Variants in ASNS observed in about 807,000 individuals in gnomAD.
ASNS encodes the protein asparagine synthetase (glutamine-hydrolyzing).
ASNS carries 37 observed loss-of-function variants against 62.6 expected under a neutral mutation model. That is an observed-to-expected ratio of 0.59 (90% CI 0.45 to 0.78). The LOEUF is 0.78. Ranked by LOEUF, ASNS falls within the 30% of genes least tolerant of loss-of-function variation. The probability of loss-of-function intolerance (pLI) is 0.00; values close to 1 mark genes in which losing one functional copy is unlikely to be tolerated. For synonymous variants in ASNS, 207 were observed against 237.9 expected (o/e 0.87, Z 1.19); for missense variants, 520 against 682.4 (o/e 0.76, Z 2.65).
At chr7:97,899,276 C>A in the ASNS span, among the ~76,000 whole-genome samples, 1 of 152,060 alleles carries the variant, frequency 6.6e-6, no homozygotes, top group Non-Finnish European at 1.5e-5. Flanking sequence ...GCCACTGCAC[C>A]CAGCTGTTAT....
intron 3 of ASNS, among the ~76,000 whole-genome samples, chr7:97,865,546 T>C (rs1791922806): frequency 1.3e-5 from 2 of 152,232 alleles, no homozygotes; most frequent in Non-Finnish European, 2.9e-5. Flanking sequence ...TGAATGCAGG[T>C]AGCTCTAGTC....
chr7:97,914,516 C>T, the ASNS span, among the ~76,000 whole-genome samples: 1 of 137,310 alleles, frequency 7.3e-6, no homozygotes, highest in Admixed American at 8.3e-5. Context: ...TGTCATGTTG[C>T]TGCCATGCTA....
the ASNS span, among the ~76,000 whole-genome samples, chr7:97,886,393 C>T: frequency 3.3e-5 from 5 of 152,074 alleles, no homozygotes; most frequent in Admixed American, 6.6e-5. Context: ...GTGACCCGCT[C>T]GCCTCAGCCT....
intron 7 of ASNS, among the ~76,000 whole-genome samples, chr7:97,857,504 C>T (rs1791501867): frequency 6.6e-6 from 1 of 151,912 alleles, no homozygotes; most frequent in Non-Finnish European, 1.5e-5. Context: ...TTAAAATTTC[C>T]CCATAGCAGA....
At chr7:97,868,519 A>ATGTGTGTGTGTGTGTGTGTGTGTGTGTG (rs61611439) in intron 3 of ASNS, among the ~76,000 whole-genome samples, 19 of 122,920 alleles carry the variant, frequency 1.5e-4, no homozygotes, top group Admixed American at 1.2e-3. Context: ...CAGCAAAAAC[A>ATGTGTGTGTGTGTGTGTGTGTGTGTGTG]TGTGTGTGTG....
chr7:97,860,840 C>CA (rs1405412135), intron 4 of ASNS, among the ~76,000 whole-genome samples: 1 of 151,972 alleles, frequency 6.6e-6, no homozygotes, highest in African/African-American at 2.4e-5. Context: ...CTTTGATGTG[C>CA]AAAAATGTTT....
At chr7:97,910,755 C>T in the ASNS span, among the ~76,000 whole-genome samples, 2 of 152,204 alleles carry the variant, frequency 1.3e-5, no homozygotes, top group African/African-American at 4.8e-5. Flanking sequence ...GCACCCACCA[C>T]CACACCTGGC....
intron 4 of ASNS, among the ~76,000 whole-genome samples, chr7:97,862,287 G>C (rs745589794): frequency 6.6e-6 from 1 of 151,916 alleles, no homozygotes; most frequent in Non-Finnish European, 1.5e-5. Flanking sequence ...TAATAAATGA[G>C]CTATCAAGCC....
the ASNS span, among the ~76,000 whole-genome samples, chr7:97,903,151 C>T: frequency 6.6e-6 from 1 of 152,006 alleles, no homozygotes; most frequent in Non-Finnish European, 1.5e-5. Context: ...TCTGCTCTTT[C>T]GTGCTCAGGA....
At chr7:97,856,048 G>A (rs1034978718) in intron 8 of ASNS, among the ~76,000 whole-genome samples, 1 of 152,138 alleles carries the variant, frequency 6.6e-6, no homozygotes, top group African/African-American at 2.4e-5. Flanking sequence ...CCAGCCCCAT[G>A]AAATTCCAAT....
rs1432524937 is a variant in ASNS, at chr7:97,868,915, T to C, written c.242A>G (p.His81Arg). Residue 81 changes from histidine to arginine, a missense_variant, in exon 3 of 13, where the codon CAT becomes CGT. Physicochemically the swap from His to Arg is conservative, Grantham distance 29. Transcript: ENST00000394308. The part of the protein sequence containing the change: ...WLCYNGEIYN[H>R]KKMQQHFEFE... The stretch of plus-strand genomic sequence containing the variant: ...TGGTTTCTTTCTCCTCACCTTCTTA[T>C]GGTTGTAGATTTCACCATTGTAACA... 6.2e-7 allele frequency: 1 copy of C among 1,613,934 alleles called. No homozygotes were observed. The highest frequency in any genetic ancestry group is 1.1e-5 in the South Asian group (1 of 91,086).
chr7:97,871,875 G>A (rs765122580), intron 1 of ASNS: 1 of 152,296 alleles, frequency 6.6e-6, no homozygotes, highest in South Asian at 2.1e-4. Flanking sequence ...CAGACACCGA[G>A]ACGGTGATAA....
chr7:97,855,121 G>T (rs1228316272), intron 9 of ASNS: 5 of 461,376 alleles, frequency 1.1e-5, no homozygotes, highest in Non-Finnish European at 2.0e-5. Context: ...GGGGGTATGA[G>T]CATGAGCCCT....
chr7:97,873,616 C>T (rs1029777911), upstream of ASNS, among the ~76,000 whole-genome samples: 6 of 152,162 alleles, frequency 3.9e-5, no homozygotes, highest in African/African-American at 1.4e-4. Flanking sequence ...GGTCTTCTAT[C>T]TACATTTTAC....
chr7:97,919,942 C>T, the ASNS span, among the ~76,000 whole-genome samples: 1 of 152,038 alleles, frequency 6.6e-6, no homozygotes, highest in Non-Finnish European at 1.5e-5. Context: ...CAAGCTTCCT[C>T]TTCTGTGCCT....
chr7:97,873,583 C>T (rs1792372387), upstream of ASNS, among the ~76,000 whole-genome samples: 1 of 152,172 alleles, frequency 6.6e-6, no homozygotes, highest in Non-Finnish European at 1.5e-5. Flanking sequence ...GTACTTTAAA[C>T]CTGAGAGCAA....
chr7:97,892,992 C>T, the ASNS span, among the ~76,000 whole-genome samples: 2 of 152,252 alleles, frequency 1.3e-5, no homozygotes, highest in African/African-American at 2.4e-5. Flanking sequence ...CATTTTCACA[C>T]AGCTGATAAA....
chr7:97,897,298 C>T, the ASNS span, among the ~76,000 whole-genome samples: 1 of 152,112 alleles, frequency 6.6e-6, no homozygotes, highest in Non-Finnish European at 1.5e-5. Flanking sequence ...ACTATAAAAA[C>T]GCTGAAGACA....
chr7:97,866,947 A>G (rs568468532), intron 3 of ASNS, among the ~76,000 whole-genome samples: 1 of 152,358 alleles, frequency 6.6e-6, no homozygotes, highest in South Asian at 2.1e-4. Flanking sequence ...GCATTCGGTG[A>G]TATTAGTAAG....
Sources: allele counts gnomAD v4.1 joint callset (sites outside exome capture counted in the v4.1 genomes callset), GRCh38; gene constraint gnomAD v4.1.1; transcripts MANE v1.5; gene names NCBI Gene and HGNC (gene_info 2026-07-23, HGNC 2026-07-21).